The following CAMTA1 variants were observed in gnomAD, a reference collection of about 807,000 sequenced individuals.
The protein encoded by CAMTA1 is calmodulin binding transcription activator 1, also known as calmodulin-binding transcription activator 1.
Under a neutral mutation model 170.9 loss-of-function variants are expected in CAMTA1, and 27 were observed. The observed-to-expected ratio is 0.16, with a 90% CI of 0.12 to 0.22. The LOEUF is 0.22. CAMTA1 is among the 10% of genes least tolerant of loss of function. The probability of loss-of-function intolerance (pLI) is 1.00; values close to 1 mark genes in which losing one functional copy is unlikely to be tolerated. For synonymous variants in CAMTA1, 833 were observed against 891.5 expected (o/e 0.93, Z 1.17); for missense variants, 1,619 against 2,217.2 (o/e 0.73, Z 5.42).
rs1190834493 is a variant in CAMTA1, at chr1:7,547,474, T to C, written c.510+79573T>C. ...AAAATATCCAGGAAAAAAATTGCAT[T>C]TGTACCAAACATATTTTTTTCTTAT... On this transcript the variant is annotated intron_variant, in intron 6 of 22. Transcript: ENST00000303635. This position sits in a 1 kb window ranked among gnomAD's most constrained non-coding sequence, Gnocchi z 5.7. Among the ~76,000 whole-genome samples, 1 of 152,076 alleles carries C rather than the reference T, an allele frequency of 6.6e-6. No individual in the cohort carries two copies. Among genetic ancestry groups the C allele is most frequent in the Non-Finnish European group, 1.5e-5 (1 of 68,032 alleles).
intron 6 of CAMTA1, among the ~76,000 whole-genome samples, chr1:7,516,915 A>G (rs887339776): frequency 6.6e-6 from 1 of 152,222 alleles, no homozygotes; most frequent in African/African-American, 2.4e-5. Context: ...TATGAAAATA[A>G]TCCATGCCCA....
At chr1:6,950,546 C>A (rs1388272572) in intron 3 of CAMTA1, among the ~76,000 whole-genome samples, 1 of 152,168 alleles carries the variant, frequency 6.6e-6, no homozygotes, top group Non-Finnish European at 1.5e-5. Flanking sequence ...GCCACATGCT[C>A]ACTGCAGGTG....
At chr1:7,745,125 A>G in intron 17 of CAMTA1, 103 bp downstream of exon 17, 1 of 1,124,770 alleles carries the variant, frequency 8.9e-7, no homozygotes, top group East Asian at 2.4e-5. Context: ...ATAGAAGACC[A>G]TACCAAGGAA....
At position 6,950,440 on chromosome 1, in the gene CAMTA1, A is replaced by C. The variant is rs146255217; in HGVS notation, c.234+125230A>C. ...AAAGGAACCCAAGTGCCTCTGTGCC[A>C]GGCTTCCTCCCAAAACTCATATCAG... On this transcript the variant is annotated intron_variant, in intron 3 of 22. Coordinates refer to ENST00000303635, the MANE Select transcript of CAMTA1 (RefSeq NM_015215.4). Among the ~76,000 whole-genome samples, 8 of 152,318 alleles carry C rather than the reference A, an allele frequency of 5.3e-5. No individual in the cohort carries two copies. The East Asian group carries it at 1.5e-3, about 29-fold the overall frequency.
At chr1:6,816,265 A>G (rs1645794720) in intron 1 of CAMTA1, among the ~76,000 whole-genome samples, 1 of 152,136 alleles carries the variant, frequency 6.6e-6, no homozygotes. Context: ...GCATCACTCC[A>G]TTTCATTTCC....
chr1:7,458,579 G>C (rs1429230754), intron 5 of CAMTA1, among the ~76,000 whole-genome samples: 1 of 152,196 alleles, frequency 6.6e-6, no homozygotes, highest in Non-Finnish European at 1.5e-5. Context: ...CTGCCCAGAG[G>C]AGTCCCCCAA....
At chr1:7,342,902 C>G (rs957444300) in intron 5 of CAMTA1, among the ~76,000 whole-genome samples, 1 of 152,254 alleles carries the variant, frequency 6.6e-6, no homozygotes, top group South Asian at 2.1e-4. Flanking sequence ...TTCCACTTTC[C>G]CTGGGACCAT....
At chr1:7,052,279 C>G (rs951816653) in intron 3 of CAMTA1, among the ~76,000 whole-genome samples, 1 of 151,892 alleles carries the variant, frequency 6.6e-6, no homozygotes, top group Non-Finnish European at 1.5e-5. Context: ...TGTTTCGTGT[C>G]GTTCTCTCCG....
chr1:6,879,695 C>T (rs1670940305), intron 3 of CAMTA1, among the ~76,000 whole-genome samples: 1 of 149,716 alleles, frequency 6.7e-6, no homozygotes, highest in South Asian at 2.1e-4. Context: ...GTGGCATAAT[C>T]ATGGCTTGCT....
At chr1:6,868,085 G>A (rs773508173) in intron 3 of CAMTA1, among the ~76,000 whole-genome samples, 1 of 151,336 alleles carries the variant, frequency 6.6e-6, no homozygotes, top group Non-Finnish European at 1.5e-5. Flanking sequence ...GATTATAGGC[G>A]TGAGCCACAG....
intron 5 of CAMTA1, among the ~76,000 whole-genome samples, chr1:7,398,189 C>A (rs866450605): frequency 0.017 from 538 of 32,116 alleles, 13 homozygotes; most frequent in African/African-American, 0.059. Flanking sequence ...CTCTCTCTCT[C>A]TCTCTATATA....
intron 6 of CAMTA1, among the ~76,000 whole-genome samples, chr1:7,600,491 C>CTTTTTTT (rs60909261): frequency 7.0e-6 from 1 of 143,034 alleles, no homozygotes; most frequent in African/African-American, 2.6e-5. Flanking sequence ...TTTTCTTTTT[C>CTTTTTTT]TTTTTTTTTT....
chr1:7,755,883 A>T (rs978862946), intron 22 of CAMTA1, among the ~76,000 whole-genome samples: 1 of 152,222 alleles, frequency 6.6e-6, no homozygotes, highest in African/African-American at 2.4e-5. Context: ...CAAATGCATG[A>T]GTGAGTAGAA....
intron 4 of CAMTA1, among the ~76,000 whole-genome samples, chr1:7,116,328 A>G (rs1644326110): frequency 6.6e-6 from 1 of 152,250 alleles, no homozygotes; most frequent in Admixed American, 6.5e-5. Context: ...ATAAGTGAGT[A>G]TGGACTTACC....
At chr1:6,899,527 A>T (rs953522823) in intron 3 of CAMTA1, among the ~76,000 whole-genome samples, 1 of 150,996 alleles carries the variant, frequency 6.6e-6, no homozygotes, top group Non-Finnish European at 1.5e-5. Flanking sequence ...TTAAAAAATT[A>T]TATGTGTATA....
At chr1:7,501,432 T>C (rs2094003872) in intron 6 of CAMTA1, among the ~76,000 whole-genome samples, 1 of 152,086 alleles carries the variant, frequency 6.6e-6, no homozygotes, top group Non-Finnish European at 1.5e-5. Context: ...GGGAGAATGC[T>C]CGCCAAAGAC....
At position 7,673,333 on chromosome 1, in the gene CAMTA1, A is replaced by C. The variant is rs1426488568; in HGVS notation, c.2779+2296A>C. On this transcript the variant is annotated intron_variant, in intron 10 of 22. Coordinates refer to ENST00000303635, the MANE Select transcript of CAMTA1 (RefSeq NM_015215.4). This position sits in a 1 kb window ranked among gnomAD's most constrained non-coding sequence, Gnocchi z 4.6. ...GACCTCTCTGGGCCTCAGTTTCTAC[A>C]GCTCTGAAAACTGCCTGCCAGCAGG... Among the ~76,000 whole-genome samples the C allele has an allele frequency of 6.6e-6, 1 of 152,262 alleles. No homozygotes were observed. The highest frequency in any genetic ancestry group is 1.5e-5 in the Non-Finnish European group (1 of 68,050).
chr1:7,462,915 C>G (rs2093124194), intron 5 of CAMTA1, among the ~76,000 whole-genome samples: 2 of 152,232 alleles, frequency 1.3e-5, no homozygotes, highest in African/African-American at 4.8e-5. Flanking sequence ...CGTGTGCCCA[C>G]TGTCTCGCTC....
chr1:7,544,995 A>G (rs1287164314), intron 6 of CAMTA1, among the ~76,000 whole-genome samples: 1 of 152,162 alleles, frequency 6.6e-6, no homozygotes, highest in Non-Finnish European at 1.5e-5. Flanking sequence ...ACACTGCCAC[A>G]CTGGAAATCA....
Sources: allele counts gnomAD v4.1 joint callset (sites outside exome capture counted in the v4.1 genomes callset), GRCh38; gene constraint gnomAD v4.1.1; non-coding constraint Gnocchi (gnomAD v3.1); transcripts MANE v1.5; gene names NCBI Gene and HGNC (gene_info 2026-07-23, HGNC 2026-07-21).